RHOT1: variants seen among roughly 807,000 people sequenced by gnomAD.
RHOT1 encodes ras homolog family member T1.
In RHOT1, 27 loss-of-function variants were observed where a neutral mutation model predicts 95.3. The ratio of observed to expected loss-of-function variants is 0.28; its 90% CI spans 0.21 to 0.39. The LOEUF is 0.39. Among genes scored for constraint, RHOT1 ranks in the 10% least tolerant of loss-of-function variants. RHOT1 has a pLI of 1.00. For synonymous variants in RHOT1, 227 were observed against 263.5 expected (o/e 0.86, Z 1.34); for missense variants, 578 against 786.7 (o/e 0.73, Z 3.17).
chr17:32,209,670 AT>A (rs2037993419), intron 18 of RHOT1: 1 of 379,334 alleles, frequency 2.6e-6, no homozygotes, highest in Admixed American at 4.1e-5. Context: ...TTACATCTGC[AT>A]TTTTAAAACA....
Position 32,177,712 on chromosome 17 carries a change from G to A in RHOT1, c.329+1499G>A, listed in dbSNP as rs1340874430. On this transcript the variant is annotated intron_variant, in intron 6 of 19. Coordinates refer to ENST00000545287, the MANE Select transcript of RHOT1 (RefSeq NM_001033566.3). Reference sequence around the variant, plus strand: ...GGAGCTTGCAGTGAGCCGAGATCACGCCACTGCACTCCAGCCTGGGCAACA... The same window carrying A: ...GGAGCTTGCAGTGAGCCGAGATCACACCACTGCACTCCAGCCTGGGCAACA... Among the ~76,000 whole-genome samples the A allele has an allele frequency of 1.6e-4, 22 of 140,436 alleles. No homozygotes were observed. In the South Asian group the frequency reaches 3.8e-3, roughly 24 times the overall value. 92.1% of individuals were successfully genotyped at this position (140,436 alleles called of 152,430 possible). A position where few individuals can be genotyped will look rare whatever the true frequency, so the allele number is the denominator to read the frequency against.
At chr17:32,224,584 T>G in intron 19 of RHOT1, 32 bp from the exon 20 acceptor site, 1 of 1,457,686 alleles carries the variant, frequency 6.9e-7, no homozygotes. Context: ...ACTAATCATG[T>G]TTTAAATAAT....
intron 1 of RHOT1, among the ~76,000 whole-genome samples, chr17:32,156,810 G>C (rs1040717206): frequency 6.6e-6 from 1 of 152,262 alleles, no homozygotes; most frequent in African/African-American, 2.4e-5. Context: ...GCCCAGGCCA[G>C]TGCTCATTTT....
At chr17:32,160,221 C>A (rs1266322720) in intron 1 of RHOT1, 1 of 152,068 alleles carries the variant, frequency 6.6e-6, no homozygotes, top group Non-Finnish European at 1.5e-5. Context: ...GCTGAACATT[C>A]TTCGGGACAG....
chr17:32,177,062 C>T (rs1377712729), intron 6 of RHOT1, among the ~76,000 whole-genome samples: 2 of 152,122 alleles, frequency 1.3e-5, no homozygotes, highest in Non-Finnish European at 2.9e-5. Context: ...ACTGAGATGA[C>T]ATTATATGTG....
At chr17:32,173,660 C>T (rs943535792) in intron 2 of RHOT1, among the ~76,000 whole-genome samples, 171 bp from the exon 3 acceptor site, 11 of 150,444 alleles carry the variant, frequency 7.3e-5, no homozygotes, top group African/African-American at 2.7e-4. Flanking sequence ...TTGCAGTGAG[C>T]AGAGATCGCA....
intron 1 of RHOT1, among the ~76,000 whole-genome samples, chr17:32,144,775 G>T (rs554114352): frequency 6.7e-6 from 1 of 149,144 alleles, no homozygotes; most frequent in Admixed American, 6.7e-5. Flanking sequence ...TTGCTTGAAC[G>T]CAGGAGTTTG....
At chr17:32,184,413 A>G (rs2035875846) in intron 8 of RHOT1, among the ~76,000 whole-genome samples, 1 of 151,294 alleles carries the variant, frequency 6.6e-6, no homozygotes, top group Non-Finnish European at 1.5e-5. Context: ...ATGTATCAGT[A>G]TTTCATTTCT....
rs1653097435 is a variant in RHOT1 at position 32,194,721 on chromosome 17, C to A, written c.869+614C>A. Among the ~76,000 whole-genome samples, 4 of 150,614 alleles carry A rather than the reference C, an allele frequency of 2.7e-5. No individual in the cohort carries two copies. In the South Asian group the frequency reaches 8.9e-4, roughly 33 times the overall value. ...GAGATCTCAGAAATATGTTGATTCA[C>A]ATTTTTCTTACATTGTTCTTCTCCC... On this transcript the variant is annotated intron_variant, in intron 11 of 19. Transcript: ENST00000545287.
At chr17:32,175,268 T>C (rs1166831949) in intron 3 of RHOT1, 51 bp from the exon 4 acceptor site, 3 of 1,535,842 alleles carry the variant, frequency 2.0e-6, no homozygotes, top group East Asian at 2.3e-5. Flanking sequence ...TGGCCATTAG[T>C]TTTTATGAAA....
intron 1 of RHOT1, among the ~76,000 whole-genome samples, chr17:32,158,116 A>C (rs573294039): frequency 3.9e-5 from 6 of 152,208 alleles, no homozygotes; most frequent in Admixed American, 1.3e-4. Flanking sequence ...TCAGCCTCCC[A>C]AAGTGCTGGG....
intron 12 of RHOT1, 32 bp from the exon 13 acceptor site, chr17:32,199,373 T>C (rs780197375): frequency 3.8e-6 from 6 of 1,586,660 alleles, no homozygotes; most frequent in Non-Finnish European, 4.3e-6. Context: ...ATCTTAGATA[T>C]CTAAACATTC....
intron 8 of RHOT1, among the ~76,000 whole-genome samples, chr17:32,183,711 C>T (rs2035817670): frequency 1.3e-5 from 2 of 152,178 alleles, no homozygotes; most frequent in African/African-American, 4.8e-5. Flanking sequence ...CAGAATCTTG[C>T]TCTGTCACTC....
intron 1 of RHOT1, among the ~76,000 whole-genome samples, chr17:32,143,464 ATTG>A (rs1433620086): frequency 1.3e-5 from 2 of 152,316 alleles, no homozygotes; most frequent in East Asian, 1.9e-4. Context: ...GGAGGGTCCA[ATTG>A]TTGTTACCCT....
At position 32,205,604 on chromosome 17, in the gene RHOT1, AC is replaced by A. The variant is rs150399098; in HGVS notation, c.1417-1305del. Among the ~76,000 whole-genome samples the A allele has an allele frequency of 7.5e-3, 1,147 of 152,352 alleles. 11 individuals are homozygous for A. The highest frequency in any genetic ancestry group is 0.026 in the African/African-American group (1,076 of 41,582). ...AAATCAAACAAACAATAAAAAAAGTACAAAAGAAGAGCTGAAAAGACACTAT... is the reference window on the plus strand; with the variant it reads ...AAATCAAACAAACAATAAAAAAAGTAAAAAGAAGAGCTGAAAAGACACTAT... On this transcript the variant is annotated intron_variant, in intron 16 of 19. Transcript: ENST00000545287.
intron 19 of RHOT1, among the ~76,000 whole-genome samples, chr17:32,220,473 AC>A (rs1365030709): frequency 6.6e-6 from 1 of 152,224 alleles, no homozygotes; most frequent in African/African-American, 2.4e-5. Context: ...ATACCTTATA[AC>A]ACGTGTGAAA....
chr17:32,187,004 G>A (rs1395343497), intron 8 of RHOT1, among the ~76,000 whole-genome samples: 1 of 151,788 alleles, frequency 6.6e-6, no homozygotes, highest in African/African-American at 2.4e-5. Context: ...TAAGAAGCGG[G>A]GGCCGGGTGC....
rs796671551 is a variant in RHOT1, at chr17:32,158,038, T to C, written c.38-13005T>C. 5.9e-5 allele frequency among the ~76,000 whole-genome samples: 9 copies of C among 152,156 alleles called. No individual in the cohort carries two copies. In the South Asian group the frequency reaches 8.3e-4, roughly 14 times the overall value. ...GCCCTGCTAGTTTTTGTATTTCTTATAGAGACAGAATCTCGCCACATTGCC... is the reference window on the plus strand; with the variant it reads ...GCCCTGCTAGTTTTTGTATTTCTTACAGAGACAGAATCTCGCCACATTGCC... On this transcript the variant is annotated intron_variant, in intron 1 of 19. Transcript: ENST00000545287.
At chr17:32,213,093 C>T (rs1402528210) in intron 19 of RHOT1, among the ~76,000 whole-genome samples, 1 of 152,166 alleles carries the variant, frequency 6.6e-6, no homozygotes, top group East Asian at 1.9e-4. Context: ...CATATATTGT[C>T]TTGGGGCTAA....
Sources: allele counts gnomAD v4.1 joint callset (sites outside exome capture counted in the v4.1 genomes callset), GRCh38; gene constraint gnomAD v4.1.1; transcripts MANE v1.5; gene names NCBI Gene and HGNC (gene_info 2026-07-23, HGNC 2026-07-21).